The following ELMO1 variants were observed in gnomAD, a reference collection of about 807,000 sequenced individuals.
The protein encoded by ELMO1 is engulfment and cell motility protein 1.
ELMO1 carries 26 observed loss-of-function variants against 98.9 expected under a neutral mutation model. The observed-to-expected ratio is 0.26, with a 90% CI of 0.19 to 0.36. The LOEUF is 0.36. Ranked by LOEUF, ELMO1 falls within the 10% of genes least tolerant of loss-of-function variation. ELMO1 has a pLI of 1.00. For synonymous variants in ELMO1, 346 were observed against 346.0 expected, an observed-to-expected ratio of 1.00 and a Z score of 0.00; for missense variants, 627 against 935.2, an observed-to-expected ratio of 0.67 and a Z score of 4.30.
intron 13 of ELMO1, among the ~76,000 whole-genome samples, chr7:37,169,972 G>C (rs551116999): frequency 6.6e-6 from 1 of 151,908 alleles, no homozygotes; most frequent in Non-Finnish European, 1.5e-5. Flanking sequence ...CAGGATCTCT[G>C]CTCACTGCAA....
Position 37,163,506 on chromosome 7 carries a change from A to C in ELMO1, c.1087-30272T>G, listed in dbSNP as rs546844066. Among the ~76,000 whole-genome samples the C allele has an allele frequency of 6.7e-3, 980 of 146,766 alleles. 6 individuals are homozygous for C. The highest frequency in any genetic ancestry group is 0.01 in the Non-Finnish European group (699 of 66,924). ...TATCCCTCCCCCATCCCCCAACCCC[A>C]CAACAGTCCCCAGAGCGTGATGTTC... On this transcript the variant is annotated intron_variant, in intron 13 of 21. Transcript: ENST00000310758.
intron 4 of ELMO1, among the ~76,000 whole-genome samples, chr7:37,283,469 A>C (rs1425012675): frequency 6.6e-6 from 1 of 152,218 alleles, no homozygotes; most frequent in African/African-American, 2.4e-5. Flanking sequence ...TCATGTCCAC[A>C]TCTCTAATAC....
chr7:37,250,814 A>T (rs529475335), intron 6 of ELMO1, among the ~76,000 whole-genome samples: 1 of 149,340 alleles, frequency 6.7e-6, no homozygotes, highest in East Asian at 2.0e-4. Context: ...AAAAAAAACC[A>T]GAAACTTTCC....
At chr7:37,312,180 C>T (rs1798920397) in intron 4 of ELMO1, among the ~76,000 whole-genome samples, 1 of 152,216 alleles carries the variant, frequency 6.6e-6, no homozygotes, top group African/African-American at 2.4e-5. Context: ...GCAACCTCCA[C>T]ATCCCAGGTT....
At chr7:36,933,942 C>T (rs988909587) in intron 16 of ELMO1, among the ~76,000 whole-genome samples, 1 of 152,128 alleles carries the variant, frequency 6.6e-6, no homozygotes, top group African/African-American at 2.4e-5. Context: ...ACTGAGTTTC[C>T]GCTAAGCCTT....
chr7:37,150,085 CTCTTT>C (rs903479590), intron 13 of ELMO1, among the ~76,000 whole-genome samples: 3 of 152,126 alleles, frequency 2.0e-5, no homozygotes, highest in African/African-American at 7.2e-5. Context: ...ATTTCTTCTC[CTCTTT>C]TTTTTAAAGG....
At position 37,447,714 on chromosome 7, in the gene ELMO1, C is replaced by CCACACACACACACA. The variant is rs3054415; in HGVS notation, c.-74+947_-74+960dup. On this transcript the variant is annotated intron_variant, in intron 1 of 21. Transcript: ENST00000310758. ...ACATACATACGCGCGCGCGCACACACCACACACACACACACACACACACAC... is the reference window on the plus strand; with the variant it reads ...ACATACATACGCGCGCGCGCACACACCACACACACACACACACACACACACACACACACACACAC... Among the ~76,000 whole-genome samples the CCACACACACACACA allele has an allele frequency of 6.7e-3, 888 of 132,196 alleles. 7 individuals are homozygous for CCACACACACACACA. Among genetic ancestry groups the CCACACACACACACA allele is most frequent in the African/African-American group, 0.013 (425 of 32,526 alleles). 86.7% of individuals were successfully genotyped at this position (132,196 alleles called of 152,430 possible).
chr7:36,930,198 T>A (rs1283955771), intron 16 of ELMO1, among the ~76,000 whole-genome samples: 1 of 152,252 alleles, frequency 6.6e-6, no homozygotes, highest in Non-Finnish European at 1.5e-5. Context: ...GGAATACTTA[T>A]GCCCTCTGGA....
intron 17 of ELMO1, 74 bp from the exon 18 acceptor site, chr7:36,887,746 TA>T: frequency 1.5e-6 from 2 of 1,348,100 alleles, no homozygotes; most frequent in South Asian, 2.4e-5. Flanking sequence ...ATCATGGGCA[TA>T]CGGGCAGGGG....
At chr7:37,169,209 G>A (rs1307561756) in intron 13 of ELMO1, among the ~76,000 whole-genome samples, 1 of 152,180 alleles carries the variant, frequency 6.6e-6, no homozygotes, top group Non-Finnish European at 1.5e-5. Flanking sequence ...CAGTATTCGG[G>A]TGGGAATGAC....
At chr7:37,076,885 G>C (rs766749047) in intron 15 of ELMO1, among the ~76,000 whole-genome samples, 1 of 152,248 alleles carries the variant, frequency 6.6e-6, no homozygotes, top group Non-Finnish European at 1.5e-5. Context: ...AGCACAGGCT[G>C]TGTATCTGGC....
chr7:37,129,675 G>A (rs1416742763), intron 14 of ELMO1, among the ~76,000 whole-genome samples: 2 of 152,150 alleles, frequency 1.3e-5, no homozygotes, highest in East Asian at 3.8e-4. Flanking sequence ...CACTACCCTA[G>A]TTCAAGTTAT....
intron 4 of ELMO1, among the ~76,000 whole-genome samples, chr7:37,283,026 AG>A (rs1300869064): frequency 6.6e-6 from 1 of 152,242 alleles, no homozygotes. Flanking sequence ...ATGAAGGTGA[AG>A]GGCCTGTTCT....
At chr7:37,000,226 A>G (rs1792552318) in intron 16 of ELMO1, among the ~76,000 whole-genome samples, 1 of 152,184 alleles carries the variant, frequency 6.6e-6, no homozygotes, top group South Asian at 2.1e-4. Context: ...TTCCTTTTCT[A>G]CTTCTGCTTT....
intron 15 of ELMO1, among the ~76,000 whole-genome samples, chr7:37,020,722 T>C (rs1401769758): frequency 2.0e-5 from 3 of 152,226 alleles, no homozygotes; most frequent in East Asian, 3.9e-4. Flanking sequence ...TGGGCAAATA[T>C]GAATATTTTT....
intron 1 of ELMO1, among the ~76,000 whole-genome samples, chr7:37,446,274 G>C (rs1323640198): frequency 6.6e-6 from 1 of 152,206 alleles, no homozygotes; most frequent in Non-Finnish European, 1.5e-5. Flanking sequence ...AGACAAGGTA[G>C]TCACTACCCT....
intron 16 of ELMO1, among the ~76,000 whole-genome samples, chr7:36,915,302 A>T (rs1784612338): frequency 6.6e-6 from 1 of 152,170 alleles, no homozygotes; most frequent in Admixed American, 6.5e-5. Flanking sequence ...TATTTTTGGT[A>T]ATTTTTCTGT....
At chr7:37,443,887 T>A (rs1583776230) in intron 1 of ELMO1, among the ~76,000 whole-genome samples, 1 of 152,200 alleles carries the variant, frequency 6.6e-6, no homozygotes, top group Non-Finnish European at 1.5e-5. Context: ...CCTTTTATTA[T>A]GGACAGTGCA....
At chr7:37,421,141 A>G (rs1033869732) in intron 1 of ELMO1, among the ~76,000 whole-genome samples, 2 of 152,184 alleles carry the variant, frequency 1.3e-5, no homozygotes, top group African/African-American at 4.8e-5. Flanking sequence ...TTTCCACCAA[A>G]CACTTTAGAA....
Sources: gnomAD v4.1 joint callset for allele counts (sites outside exome capture counted in the v4.1 genomes callset) on GRCh38, gnomAD v4.1.1 for gene constraint, MANE v1.5 for transcripts, NCBI Gene and HGNC (gene_info 2026-07-23, HGNC 2026-07-21) for gene names.